Variants in HEATR5A observed in about 807,000 individuals in gnomAD.
The protein encoded by HEATR5A is HEAT repeat containing 5A.
In HEATR5A, 178 loss-of-function variants were observed where a neutral mutation model predicts 218.8. The observed-to-expected ratio is 0.81, with a 90% CI of 0.72 to 0.92. The LOEUF (loss-of-function observed/expected upper bound fraction) is 0.92, where lower values mean the gene tolerates loss of function less well. Ranked by LOEUF, HEATR5A falls within the 40% of genes least tolerant of loss-of-function variation. The probability of loss-of-function intolerance (pLI) is 0.00; values close to 1 mark genes in which losing one functional copy is unlikely to be tolerated. For synonymous variants in HEATR5A, 864 were observed against 871.6 expected, an observed-to-expected ratio of 0.99 and a Z score of 0.15; for missense variants, 2,420 against 2,418.9, an observed-to-expected ratio of 1.00 and a Z score of -0.01.
In HEATR5A at chr14:31,383,518, T is replaced by C. The variant is rs750070566; in HGVS notation, c.1596+3A>G. The C allele has an allele frequency of 6.2e-7, 1 of 1,609,076 alleles. No homozygotes were observed. ...TATCATACATAGAGAATGAAATCAT[T>C]ACCTTGCCTTTTCCATGAGGAATTC... On this transcript the variant is annotated splice_donor_region_variant and intron_variant, in intron 10 of 35. Transcript: ENST00000543095.
In HEATR5A at chr14:31,374,451, A is replaced by G. The variant is rs550132191; in HGVS notation, c.1861+365T>C. On this transcript the variant is annotated intron_variant, in intron 12 of 35. Transcript: ENST00000543095. ...AGGCGCATTGGCATCCCTAACCTCC[A>G]TGCTGTTCAAGGGTCAACTGTATAG... is the stretch of plus-strand genomic sequence containing the variant. Among the ~76,000 whole-genome samples, 36 of 152,278 alleles carry G rather than the reference A, an allele frequency of 2.4e-4. 1 individual carries two copies. The South Asian group carries it at 6.8e-3, about 29-fold the overall frequency.
At chr14:31,403,604 A>G (rs1054059114) in intron 1 of HEATR5A, among the ~76,000 whole-genome samples, 1 of 152,212 alleles carries the variant, frequency 6.6e-6, no homozygotes, top group Non-Finnish European at 1.5e-5. Context: ...AGTTTAGGAG[A>G]GTCCAGTCTT....
intron 1 of HEATR5A, among the ~76,000 whole-genome samples, chr14:31,415,959 CT>C (rs1305421799): frequency 5.7e-4 from 84 of 147,456 alleles, no homozygotes; most frequent in Middle Eastern, 3.5e-3. Flanking sequence ...TTTTCCTTTT[CT>C]TTTTTTTTGA....
Position 31,294,024 on chromosome 14 carries a change from A to C in HEATR5A, c.5700T>G (p.Ser1900=). The change falls in exon 35 of 36, where the codon TCT becomes TCG. Residue 1900 remains serine, a synonymous_variant. Transcript: ENST00000543095. The part of the protein sequence containing the change: ...NPAVSYPYIY[S]LASCIMEKLQ... ...GTTTTTCCATGATACAGGATGCTAA[A>C]GAGTAAATGTATGGGTAGGAAACAG... 1 of 1,604,886 alleles carries C rather than the reference A, an allele frequency of 6.2e-7. No individual in the cohort carries two copies. The highest frequency in any genetic ancestry group is 8.5e-7 in the Non-Finnish European group (1 of 1,175,336).
At position 31,315,776 on chromosome 14, in the gene HEATR5A, C is replaced by A. The variant is rs534212028; in HGVS notation, c.4212G>T (p.Trp1404Cys). 2.5e-6 allele frequency: 4 copies of A among 1,583,950 alleles called. No homozygotes were observed. The African/African-American group carries it at 5.4e-5, about 21-fold the overall frequency. Residue 1404 changes from tryptophan to cysteine, a missense_variant, in exon 27 of 36, where the codon TGG becomes TGT. Transcript: ENST00000543095. The stretch of plus-strand genomic sequence containing the variant: ...CAAATTAAGAAATACCAACCTCTGC[C>A]CAGGCTTTAAGCACAGCTAAGATCT... ...TMEILAVLKAWAEVYIIAVQR... is the reference protein window; with the variant it reads ...TMEILAVLKACAEVYIIAVQR...
intron 25 of HEATR5A, chr14:31,320,263 G>C (rs963060416): frequency 2.0e-5 from 14 of 706,468 alleles, no homozygotes; most frequent in Non-Finnish European, 3.2e-5. Flanking sequence ...TCATCAAACA[G>C]AAGAGCCCCA....
intron 28 of HEATR5A, among the ~76,000 whole-genome samples, chr14:31,309,687 T>A (rs960982085): frequency 6.6e-6 from 1 of 152,162 alleles, no homozygotes; most frequent in Non-Finnish European, 1.5e-5. Context: ...AAGATGAACA[T>A]TAACATTTTC....
chr14:31,350,168 A>G (rs555721814), intron 17 of HEATR5A, among the ~76,000 whole-genome samples, 189 bp from the exon 18 acceptor site: 100 of 152,366 alleles, frequency 6.6e-4, no homozygotes, highest in Non-Finnish European at 1.3e-3. Context: ...AAAGCACTTT[A>G]GAATTTTAAA....
At chr14:31,362,919 A>T (rs1326137981) in intron 14 of HEATR5A, among the ~76,000 whole-genome samples, 1 of 152,114 alleles carries the variant, frequency 6.6e-6, no homozygotes, top group Admixed American at 6.6e-5. Flanking sequence ...TTATGCCTGC[A>T]ATCCTAGAAC....
chr14:31,405,654 C>A (rs2031035559), intron 1 of HEATR5A, among the ~76,000 whole-genome samples: 1 of 152,142 alleles, frequency 6.6e-6, no homozygotes, highest in South Asian at 2.1e-4. Flanking sequence ...AGCAAGTTTG[C>A]ACTTAGTATC....
intron 8 of HEATR5A, among the ~76,000 whole-genome samples, chr14:31,386,785 C>G (rs1478447154): frequency 6.6e-6 from 1 of 152,068 alleles, no homozygotes; most frequent in African/African-American, 2.4e-5. Context: ...TCAGGCATTC[C>G]AATCAGAGAC....
rs761141583 is a variant in HEATR5A at position 31,345,074 on chromosome 14, CA to C, written c.3058+12del. 2 of 1,585,180 alleles carry C rather than the reference CA, an allele frequency of 1.3e-6. No homozygotes were observed. Among genetic ancestry groups the C allele is most frequent in the Non-Finnish European group, 1.7e-6 (2 of 1,170,752 alleles). The stretch of plus-strand genomic sequence containing the variant: ...TTTTTAATGTAAAACATCACAAAAG[CA>C]GCTATGCACACCTTGTAGCTCTGGA... On this transcript the variant is annotated intron_variant, in intron 20 of 35. Coordinates refer to ENST00000543095, the MANE Select transcript of HEATR5A (RefSeq NM_015473.4).
chr14:31,317,095 A>C (rs946066844), intron 26 of HEATR5A, among the ~76,000 whole-genome samples: 2 of 152,200 alleles, frequency 1.3e-5, no homozygotes, highest in African/African-American at 4.8e-5. Context: ...AAGAACACAC[A>C]TAGTAAAGTT....
intron 23 of HEATR5A, among the ~76,000 whole-genome samples, chr14:31,325,498 A>G (rs565124391): frequency 3.2e-4 from 48 of 151,572 alleles, no homozygotes; most frequent in Middle Eastern, 3.4e-3. Context: ...GTATGTATGT[A>G]TGTATGTATG....
chr14:31,365,257 TTATTA>T (rs1191371668), intron 13 of HEATR5A, among the ~76,000 whole-genome samples: 2 of 152,214 alleles, frequency 1.3e-5, no homozygotes, highest in Non-Finnish European at 2.9e-5. Flanking sequence ...GAAATTACTT[TTATTA>T]TGTCACTAGA....
In HEATR5A at chr14:31,292,042, TAGA is replaced by T. The variant is rs1328223227; in HGVS notation, c.*1260_*1262del. On this transcript the variant is annotated 3_prime_UTR_variant, in exon 36 of 36. Transcript: ENST00000543095. ...TGATTCACACAGTATAACACTGAAG[TAGA>T]AGGAGAATCAACAATCATGAACACA... 2 of 152,200 alleles carry T rather than the reference TAGA, an allele frequency of 1.3e-5. No homozygotes were observed. The highest frequency in any genetic ancestry group is 2.4e-5 in the African/African-American group (1 of 41,448). 9.4% of individuals were successfully genotyped at this position (152,200 alleles called of 1,614,324 possible).
intron 1 of HEATR5A, among the ~76,000 whole-genome samples, chr14:31,413,665 T>G (rs1419635929): frequency 6.6e-6 from 1 of 152,182 alleles, no homozygotes; most frequent in Non-Finnish European, 1.5e-5. Flanking sequence ...TACTAAAACC[T>G]TTTAATTCAC....
Position 31,315,792 on chromosome 14 carries a change from G to C in HEATR5A, c.4196C>G (p.Ala1399Gly), listed in dbSNP as rs555371023. 1 of 1,610,248 alleles carries C rather than the reference G, an allele frequency of 6.2e-7. No individual in the cohort carries two copies. Among genetic ancestry groups the C allele is most frequent in the Non-Finnish European group, 8.5e-7 (1 of 1,178,214 alleles). Residue 1399 changes from alanine (A) to glycine (G), a missense_variant, in exon 27 of 36, where the codon GCT becomes GGT. By Grantham distance (60) the Ala-to-Gly change is moderately conservative. Coordinates refer to ENST00000543095, the MANE Select transcript of HEATR5A (RefSeq NM_015473.4). ...NESASTMEILAVLKAWAEVYI... is the reference protein window; with the variant it reads ...NESASTMEILGVLKAWAEVYI... ...AACCTCTGCCCAGGCTTTAAGCACA[G>C]CTAAGATCTCCATGGTAGAAGCACT...
At position 31,302,380 on chromosome 14, in the gene HEATR5A, G is replaced by C. The variant is rs1159195555; in HGVS notation, c.5379C>G (p.Pro1793=). The C allele has an allele frequency of 2.5e-6, 4 of 1,603,640 alleles. No homozygotes were observed. The Admixed American group carries it at 5.1e-5, about 21-fold the overall frequency. Residue 1793 remains proline (P), a synonymous_variant, in exon 33 of 36, where the codon CCC becomes CCG. Coordinates refer to ENST00000543095, the MANE Select transcript of HEATR5A (RefSeq NM_015473.4). ...LQALKGILSS[P]MARAEKSRTA... ...TACGGCTCTTTTCTGCCCGGGCCAT[G>C]GGAGAAGATAATATTCCTTTTAGAG...
Sources: allele counts gnomAD v4.1 joint callset (sites outside exome capture counted in the v4.1 genomes callset), GRCh38; gene constraint gnomAD v4.1.1; transcripts MANE v1.5; gene names NCBI Gene and HGNC (gene_info 2026-07-23, HGNC 2026-07-21).